Variants in ELF1 observed in about 807,000 individuals in gnomAD.
ELF1 encodes E74 like ETS transcription factor 1, also known as ETS-related transcription factor Elf-1.
A neutral mutation model predicts 59.9 loss-of-function variants in ELF1; 24 were observed. The ratio of observed to expected loss-of-function variants is 0.40; its 90% confidence interval spans 0.29 to 0.56. The LOEUF (loss-of-function observed/expected upper bound fraction) is 0.56. Among genes scored for constraint, ELF1 ranks in the 20% least tolerant of loss-of-function variants. The probability of loss-of-function intolerance (pLI) is 0.44; values close to 1 mark genes in which losing one functional copy is unlikely to be tolerated. For synonymous variants in ELF1, 248 were observed against 266.2 expected, an observed-to-expected ratio of 0.93 and a Z score of 0.67; for missense variants, 627 against 742.2, an observed-to-expected ratio of 0.84 and a Z score of 1.80.
intron 1 of ELF1, among the ~76,000 whole-genome samples, chr13:41,010,592 T>G (rs1285475542): frequency 1.3e-5 from 2 of 152,062 alleles, no homozygotes; most frequent in African/African-American, 2.4e-5. Context: ...CTTTATATAA[T>G]TATAATACAT....
intron 8 of ELF1, among the ~76,000 whole-genome samples, chr13:40,938,825 T>A (rs879815687): frequency 3.3e-5 from 5 of 151,818 alleles, no homozygotes; most frequent in Admixed American, 2.6e-4. Flanking sequence ...TCAAGAAAGA[T>A]ATAGTCAAAG....
At chr13:41,021,409 G>A (rs1480786379), upstream of ELF1, among the ~76,000 whole-genome samples, 1 of 152,092 alleles carries the variant, frequency 6.6e-6, no homozygotes, top group South Asian at 2.1e-4. Flanking sequence ...CTGCCCAGGG[G>A]TATCCCTATT....
At chr13:40,942,889 ATTTT>A in intron 7 of ELF1, 59 bp downstream of exon 7, 1 of 1,378,850 alleles carries the variant, frequency 7.3e-7, no homozygotes, top group East Asian at 2.4e-5. Context: ...TAAGCTTAGT[ATTTT>A]TTTTTACAAT....
rs1869477285 is a variant in ELF1, at chr13:40,932,547, A to G, written c.*878T>C. The G allele has an allele frequency of 6.6e-6, 1 of 152,232 alleles. No homozygotes were observed. Among genetic ancestry groups the G allele is most frequent in the South Asian group, 2.1e-4 (1 of 4,834 alleles). 9.4% of individuals were successfully genotyped at this position (152,232 alleles called of 1,614,324 possible). ...AGTGGCCTAAAGAGTTAGTAAACAA[A>G]TTATTTAGGAAGAATTTATGGCAGA... On this transcript the variant is annotated 3_prime_UTR_variant, in exon 9 of 9. Transcript: ENST00000239882.
At chr13:40,990,641 G>GCT (rs1873791286) in intron 1 of ELF1, among the ~76,000 whole-genome samples, 1 of 151,990 alleles carries the variant, frequency 6.6e-6, no homozygotes, top group African/African-American at 2.4e-5. Context: ...GAATGCCTGA[G>GCT]CTCAGGAGTT....
intron 1 of ELF1, among the ~76,000 whole-genome samples, chr13:40,994,509 G>C (rs185528350): frequency 2.0e-5 from 3 of 148,230 alleles, no homozygotes; most frequent in Non-Finnish European, 2.9e-5. Flanking sequence ...TAGGCATGGT[G>C]GGGGGGTGCC....
intron 1 of ELF1, among the ~76,000 whole-genome samples, chr13:41,046,042 C>T (rs1254492749): frequency 6.6e-6 from 1 of 152,146 alleles, no homozygotes; most frequent in East Asian, 1.9e-4. Flanking sequence ...TATGTAATGG[C>T]CTTCTTTGTC....
At position 40,933,063 on chromosome 13, in the gene ELF1, A is replaced by G. The variant is rs1869516615; in HGVS notation, c.*362T>C. The G allele has an allele frequency of 5.3e-6, 1 of 188,330 alleles. No homozygotes were observed. Among genetic ancestry groups the G allele is most frequent in the South Asian group, 1.3e-4 (1 of 7,612 alleles). The allele number at this position is 188,330 out of a possible 1,614,324, so 11.7% of individuals were successfully genotyped here. A position where few individuals can be genotyped will look rare whatever the true frequency, so the allele number is the denominator to read the frequency against. ...GTGGAATGAAAATAGTTCCTATATA[A>G]ATTTCCTGTTGCCTTCTATTTAAGT... On this transcript the variant is annotated 3_prime_UTR_variant, in exon 9 of 9. Transcript: ENST00000239882.
intron 1 of ELF1, among the ~76,000 whole-genome samples, chr13:40,998,770 T>C (rs1343980212): frequency 7.2e-5 from 11 of 152,208 alleles, no homozygotes. Context: ...TCAAATATCC[T>C]GGCATTAGGT....
intron 1 of ELF1, among the ~76,000 whole-genome samples, chr13:41,029,641 CA>C (rs1173956567): frequency 6.6e-6 from 1 of 152,156 alleles, no homozygotes; most frequent in Non-Finnish European, 1.5e-5. Context: ...CTCAGCCTCC[CA>C]AAGTGCAAGG....
chr13:41,059,249 G>T (rs1206356969), intron 1 of ELF1, among the ~76,000 whole-genome samples: 2 of 152,170 alleles, frequency 1.3e-5, no homozygotes, highest in South Asian at 4.1e-4. Flanking sequence ...GAACAGAGAA[G>T]GTGAAAAGTC....
chr13:40,953,008 A>C (rs1388511099), intron 3 of ELF1, among the ~76,000 whole-genome samples: 1 of 149,694 alleles, frequency 6.7e-6, no homozygotes, highest in African/African-American at 2.5e-5. Context: ...CAAAGTTTCA[A>C]TCTTGTTGCC....
In ELF1 at chr13:40,933,826, G is replaced by A; in HGVS notation, c.1459C>T (p.Gln487Ter). ...MTVLKENVML[Q>*]SQKAGSPPSI... ...GGAGGAGAGCCCGCCTTTTGTGACT[G>A]CAGCATGACATTTTCTTTCAGTACT... Residue 487 changes from glutamine (Q) to a stop codon, truncating the protein, a stop_gained, in exon 9 of 9, where the codon CAG (glutamine) becomes TAG (stop). Transcript: ENST00000239882. LOFTEE classifies it high-confidence loss of function. 6.2e-7 allele frequency: 1 copy of A among 1,614,256 alleles called. No homozygotes were observed. Among genetic ancestry groups the A allele is most frequent in the Non-Finnish European group, 8.5e-7 (1 of 1,180,046 alleles).
At chr13:41,051,105 TAAAC>T (rs368304345) in intron 1 of ELF1, among the ~76,000 whole-genome samples, 65 of 151,904 alleles carry the variant, frequency 4.3e-4, no homozygotes, top group Middle Eastern at 3.4e-3. Context: ...ATATGTTTCA[TAAAC>T]AAACAACCTT....
intron 1 of ELF1, among the ~76,000 whole-genome samples, chr13:41,010,510 T>TGC (rs1875000783): frequency 7.1e-6 from 1 of 141,340 alleles, no homozygotes; most frequent in Admixed American, 7.5e-5. Flanking sequence ...TGTGTGTGTG[T>TGC]GCACACTTTC....
At chr13:40,987,676 T>C (rs1873632729) in intron 1 of ELF1, among the ~76,000 whole-genome samples, 1 of 149,852 alleles carries the variant, frequency 6.7e-6, no homozygotes, top group Non-Finnish European at 1.5e-5. Context: ...ATAAAGAAGG[T>C]GAAATATACC....
intron 1 of ELF1, among the ~76,000 whole-genome samples, chr13:41,049,572 A>G (rs1481994117): frequency 1.3e-5 from 2 of 152,036 alleles, no homozygotes; most frequent in African/African-American, 4.8e-5. Context: ...CACTTTCTAC[A>G]TGACAGCCCA....
Position 41,060,883 on chromosome 13 carries a change from A to ACCG in ELF1, c.-277_-275dup, listed in dbSNP as rs761575581. ...TGCCTCCTTCGCCGCACCTCTCGCCACCGCCGCCTCTGCGCTACTGAAGCT... is the reference window on the plus strand; with the variant it reads ...TGCCTCCTTCGCCGCACCTCTCGCCACCGCCGCCGCCTCTGCGCTACTGAAGCT... On this transcript the variant is annotated 5_prime_UTR_variant, in exon 1 of 2. Coordinates refer to the ELF1 transcript ENST00000405737. The ACCG allele has an allele frequency of 2.0e-3, 663 of 339,798 alleles. 8 individuals carry two copies. Among genetic ancestry groups the ACCG allele is most frequent in the African/African-American group, 0.012 (486 of 41,828 alleles). 21.0% of individuals were successfully genotyped at this position (339,798 alleles called of 1,614,324 possible).
chr13:41,024,230 C>A (rs1875795229), upstream of ELF1, among the ~76,000 whole-genome samples: 1 of 152,178 alleles, frequency 6.6e-6, no homozygotes, highest in South Asian at 2.1e-4. Context: ...CACATGCCAA[C>A]TCCTGGAAAT....
Sources: allele counts gnomAD v4.1 joint callset (sites outside exome capture counted in the v4.1 genomes callset), GRCh38; gene constraint gnomAD v4.1.1; transcripts MANE v1.5; gene names NCBI Gene and HGNC (gene_info 2026-07-23, HGNC 2026-07-21).